The following PARM1 variants were observed in gnomAD, a reference collection of about 807,000 sequenced individuals.
PARM1 encodes the protein WSC4, cell wall integrity and stress response component 4 homolog.
PARM1 carries 14 observed loss-of-function variants against 24.6 expected under a neutral mutation model. The ratio of observed to expected loss-of-function variants is 0.57; its 90% CI spans 0.38 to 0.89. PARM1 has a LOEUF of 0.89. PARM1 is among the 40% of genes least tolerant of loss of function. The probability of loss-of-function intolerance (pLI) is 0.00; values close to 1 mark genes in which losing one functional copy is unlikely to be tolerated. For synonymous variants in PARM1, 179 were observed against 156.6 expected (o/e 1.14, Z -1.07); for missense variants, 362 against 380.4 (o/e 0.95, Z 0.40).
intron 3 of PARM1, among the ~76,000 whole-genome samples, chr4:75,042,211 C>T (rs1016342738): frequency 2.6e-5 from 4 of 152,138 alleles, no homozygotes; most frequent in Non-Finnish European, 5.9e-5. Flanking sequence ...ACCATTATAT[C>T]AACAGCAACA....
chr4:75,030,912 G>A (rs544797547), intron 2 of PARM1, among the ~76,000 whole-genome samples: 191 of 152,252 alleles, frequency 1.3e-3, no homozygotes, highest in Non-Finnish European at 2.1e-3. Context: ...GAGGAGGAGG[G>A]GAATTCCAGT....
At chr4:74,933,501 G>A (rs1578017769) in intron 1 of PARM1, 131 bp downstream of exon 1, 1 of 750,574 alleles carries the variant, frequency 1.3e-6, no homozygotes, top group South Asian at 1.6e-5. Flanking sequence ...GCAGGTGTGT[G>A]CGCACTTAGA....
At chr4:74,968,535 G>A (rs928634545) in intron 1 of PARM1, among the ~76,000 whole-genome samples, 15 of 152,166 alleles carry the variant, frequency 9.9e-5, no homozygotes, top group Non-Finnish European at 1.2e-4. Flanking sequence ...AGTGTGCATG[G>A]AAGAAGAAAG....
Position 74,933,139 on chromosome 4 carries a change from G to T in PARM1, c.-189G>T, listed in dbSNP as rs1456301201. ...GCAGAAGAGCGCGGAGCACCGGAGG[G>T]CACGCAGCTGACGGAGCTGCGCTGC... is the stretch of plus-strand genomic sequence containing the variant. On this transcript the variant is annotated 5_prime_UTR_variant, in exon 1 of 4. Transcript: ENST00000307428. The T allele has an allele frequency of 1.5e-5, 8 of 549,732 alleles. No individual in the cohort carries two copies. The highest frequency in any genetic ancestry group is 2.6e-5 in the Non-Finnish European group (8 of 312,604). The allele number at this position is 549,732 out of a possible 1,614,324, so 34.1% of individuals were successfully genotyped here.
At chr4:74,949,583 A>T (rs1721485214) in intron 1 of PARM1, among the ~76,000 whole-genome samples, 1 of 152,210 alleles carries the variant, frequency 6.6e-6, no homozygotes, top group Non-Finnish European at 1.5e-5. Context: ...AAGTGCTGGG[A>T]TTACAGGCGT....
In PARM1 at chr4:75,046,269, G is replaced by A; in HGVS notation, c.*22G>A. The A allele has an allele frequency of 2.8e-6, 4 of 1,452,512 alleles. No homozygotes were observed. The highest frequency in any genetic ancestry group is 3.9e-6 in the Non-Finnish European group (4 of 1,033,270). The allele number at this position is 1,452,512 out of a possible 1,614,324, so 90.0% of individuals were successfully genotyped here. On this transcript the variant is annotated 3_prime_UTR_variant, in exon 4 of 4. Transcript: ENST00000307428. ...CTAACAATGGAATATGGCCTGGGATGAGGATTAACTGTTCTTTATTTATAA... is the reference window on the plus strand; with the variant it reads ...CTAACAATGGAATATGGCCTGGGATAAGGATTAACTGTTCTTTATTTATAA...
intron 1 of PARM1, among the ~76,000 whole-genome samples, chr4:75,002,031 G>A (rs948565920): frequency 2.0e-5 from 3 of 152,346 alleles, no homozygotes; most frequent in Admixed American, 1.3e-4. Context: ...AGCCTGGGAT[G>A]CCACTGAGAA....
chr4:75,038,106 G>A (rs528893794), intron 3 of PARM1, among the ~76,000 whole-genome samples: 9 of 152,178 alleles, frequency 5.9e-5, no homozygotes, highest in East Asian at 1.9e-4. Flanking sequence ...TAGTAGAGAC[G>A]GGGTTTCACC....
chr4:74,937,049 A>G (rs1277716095), intron 1 of PARM1, among the ~76,000 whole-genome samples: 4 of 152,298 alleles, frequency 2.6e-5, no homozygotes, highest in South Asian at 4.1e-4. Flanking sequence ...TCTGCCACTC[A>G]GCTAGGGATC....
At chr4:75,038,952 T>C (rs968508970) in intron 3 of PARM1, among the ~76,000 whole-genome samples, 2 of 152,208 alleles carry the variant, frequency 1.3e-5, no homozygotes, top group Non-Finnish European at 2.9e-5. Flanking sequence ...ATAAATGCAG[T>C]CTTGATTTAT....
At chr4:74,962,150 A>G (rs1398221716) in intron 1 of PARM1, among the ~76,000 whole-genome samples, 1 of 152,210 alleles carries the variant, frequency 6.6e-6, no homozygotes, top group African/African-American at 2.4e-5. Flanking sequence ...TGTAATATCA[A>G]TAACTAAAAA....
chr4:74,935,902 G>A (rs941580872), intron 1 of PARM1, among the ~76,000 whole-genome samples: 3 of 152,066 alleles, frequency 2.0e-5, no homozygotes, highest in Admixed American at 6.5e-5. Context: ...GTGCAATGGC[G>A]CGATTCCAGT....
At position 74,993,249 on chromosome 4, in the gene PARM1, G is replaced by C. The variant is rs114123543; in HGVS notation, c.44-19176G>C. On this transcript the variant is annotated intron_variant, in intron 1 of 3. Coordinates refer to ENST00000307428, the MANE Select transcript of PARM1 (RefSeq NM_015393.4). The stretch of plus-strand genomic sequence containing the variant: ...GGAAGCCCATGTGGCAAAGAACTGA[G>C]GGTAGCCTCTGGCCAGTAGCCATGA... Among the ~76,000 whole-genome samples the C allele has an allele frequency of 4.3e-3, 652 of 152,240 alleles. 4 individuals carry two copies. The highest frequency in any genetic ancestry group is 0.017 in the Admixed American group (256 of 15,284).
intron 1 of PARM1, among the ~76,000 whole-genome samples, chr4:74,972,867 G>T (rs1040432034): frequency 1.3e-5 from 2 of 152,174 alleles, no homozygotes; most frequent in Non-Finnish European, 2.9e-5. Flanking sequence ...ACACTGTGGG[G>T]ACAGGAGGCT....
intron 1 of PARM1, among the ~76,000 whole-genome samples, chr4:74,944,282 A>G (rs1721367074): frequency 6.6e-6 from 1 of 152,256 alleles, no homozygotes; most frequent in Admixed American, 6.5e-5. Context: ...GTAAGATTAT[A>G]TCAACTTGAA....
chr4:74,992,561 G>A (rs1165251880), intron 1 of PARM1, among the ~76,000 whole-genome samples: 1 of 152,040 alleles, frequency 6.6e-6, no homozygotes, highest in Non-Finnish European at 1.5e-5. Flanking sequence ...AATTTTTTAA[G>A]GCCAATGGGG....
chr4:74,995,856 C>G (rs992604765), intron 1 of PARM1, among the ~76,000 whole-genome samples: 4 of 152,114 alleles, frequency 2.6e-5, no homozygotes, highest in African/African-American at 9.7e-5. Context: ...CACATCACCC[C>G]TTGGTTCAAA....
chr4:75,010,673 C>T (rs1248724053), intron 1 of PARM1, among the ~76,000 whole-genome samples: 1 of 152,128 alleles, frequency 6.6e-6, no homozygotes, highest in African/African-American at 2.4e-5. Context: ...GGAAGCAATT[C>T]TGGATTTTGT....
chr4:75,025,608 T>C (rs1190023102), intron 2 of PARM1, among the ~76,000 whole-genome samples: 1 of 152,118 alleles, frequency 6.6e-6, no homozygotes, highest in Admixed American at 6.5e-5. Flanking sequence ...TTTGCATTAA[T>C]TGCAAATGTG....
Sources: gnomAD v4.1 joint callset for allele counts (sites outside exome capture counted in the v4.1 genomes callset) on GRCh38, gnomAD v4.1.1 for gene constraint, MANE v1.5 for transcripts, NCBI Gene and HGNC (gene_info 2026-07-23, HGNC 2026-07-21) for gene names.